The following FBXO7 variants were observed in gnomAD, a reference collection of about 807,000 sequenced individuals.
FBXO7 encodes the protein F-box only protein 7.
A neutral mutation model predicts 50.2 loss-of-function variants in FBXO7; 31 were observed. The ratio of observed to expected loss-of-function variants is 0.62; its 90% CI spans 0.46 to 0.83. The LOEUF is 0.83. FBXO7 is among the 40% of genes least tolerant of loss of function. The pLI, the probability that FBXO7 is intolerant of heterozygous loss-of-function variation, is 0.00. For synonymous variants in FBXO7, 256 were observed against 253.1 expected (o/e 1.01, Z -0.11); for missense variants, 667 against 646.6 (o/e 1.03, Z -0.34).
chr22:32,487,410 T>C (rs1271034344), intron 4 of FBXO7: 1 of 190,956 alleles, frequency 5.2e-6, no homozygotes. Flanking sequence ...TTTTAGTGAC[T>C]TCATTAGAAA....
intron 7 of FBXO7, 149 bp from the exon 8 acceptor site, chr22:32,495,344 T>C (rs1054413792): frequency 1.4e-5 from 8 of 588,350 alleles, no homozygotes; most frequent in East Asian, 5.7e-5. Context: ...ACAAATGATA[T>C]AGTGTGTGTT....
chr22:32,485,857 A>G (rs1027181948), intron 4 of FBXO7, among the ~76,000 whole-genome samples: 1 of 152,176 alleles, frequency 6.6e-6, no homozygotes, highest in African/African-American at 2.4e-5. Flanking sequence ...TTTGTTTCAT[A>G]TCAACTCCTA....
Position 32,479,223 on chromosome 22 carries a change from A to T in FBXO7, c.365A>T (p.Asp122Val). 1 of 1,614,142 alleles carries T rather than the reference A, an allele frequency of 6.2e-7. No individual in the cohort carries two copies. The highest frequency in any genetic ancestry group is 1.1e-5 in the South Asian group (1 of 91,084). Residue 122 changes from aspartate (D) to valine (V), a missense_variant, in exon 2 of 9, where the codon GAT becomes GTT. Transcript: ENST00000266087. ...QTSMQDEQPS[D>V]SFQGQAAQSG... ...AGCATGCAGGATGAACAACCAAGTG[A>T]TTCATTCCAAGGACAGGCAGCCCAG...
intron 4 of FBXO7, among the ~76,000 whole-genome samples, chr22:32,486,427 A>G (rs5749448): frequency 0.42 from 63,268 of 151,800 alleles, 13,682 homozygotes; most frequent in East Asian, 0.69. Context: ...TTGACCTCCT[A>G]GGCTCAAGCA....
intron 5 of FBXO7, 81 bp from the exon 6 acceptor site, chr22:32,491,005 T>C (rs2057531058): frequency 3.2e-6 from 3 of 926,532 alleles, no homozygotes; most frequent in Middle Eastern, 2.4e-4. Context: ...TTATTCACCA[T>C]GTTGATTGGG....
At chr22:32,493,715 C>T (rs2057553654) in intron 7 of FBXO7, among the ~76,000 whole-genome samples, 1 of 152,164 alleles carries the variant, frequency 6.6e-6, no homozygotes, top group Non-Finnish European at 1.5e-5. Flanking sequence ...ATTATTTTGG[C>T]AGTGATGATG....
chr22:32,474,895 T>C lies in FBXO7; in HGVS notation c.-108T>C, dbSNP rs1486056512. On this transcript the variant is annotated 5_prime_UTR_variant, in exon 1 of 9. Transcript: ENST00000266087. Reference sequence around the variant, plus strand: ...CGCCTCAGCTACCCCTCAGCTCCGGTAGTCGCCAGTCCGGGGTCGTCGCCG... The same window carrying C: ...CGCCTCAGCTACCCCTCAGCTCCGGCAGTCGCCAGTCCGGGGTCGTCGCCG... 1 of 1,111,864 alleles carries C rather than the reference T, an allele frequency of 9.0e-7. No homozygotes were observed. Among genetic ancestry groups the C allele is most frequent in the Non-Finnish European group, 1.2e-6 (1 of 806,674 alleles). 68.9% of individuals were successfully genotyped at this position (1,111,864 alleles called of 1,614,324 possible).
intron 2 of FBXO7, 98 bp downstream of exon 2, chr22:32,479,373 A>G (rs1438220754): frequency 9.4e-7 from 1 of 1,065,380 alleles, no homozygotes; most frequent in African/African-American, 1.6e-5. Flanking sequence ...TATCATCGAT[A>G]GATTGCACAT....
intron 6 of FBXO7, chr22:32,491,416 T>G: frequency 4.4e-6 from 2 of 457,584 alleles, no homozygotes. Flanking sequence ...ATTGTTGATA[T>G]GATTTCTTTC....
intron 5 of FBXO7, chr22:32,489,936 A>G (rs1182360827): frequency 6.6e-6 from 1 of 152,264 alleles, no homozygotes; most frequent in Non-Finnish European, 1.5e-5. Context: ...CATTCATTTA[A>G]AGAAAATCAA....
At chr22:32,478,133 A>C (rs2145987391) in intron 1 of FBXO7, 1 of 152,394 alleles carries the variant, frequency 6.6e-6, no homozygotes, top group African/African-American at 2.4e-5. Flanking sequence ...TGGAAAGCTC[A>C]TGTGAATAGA....
rs746284772 is a variant in FBXO7, at chr22:32,475,328, C to T, written c.122+204C>T. ...CGGAGGGTGCAGGCGACGGGAAGCG[C>T]GGGTGGTCGGCTGGGGTCCGGCTCC... is the stretch of plus-strand genomic sequence containing the variant. On this transcript the variant is annotated intron_variant, in intron 1 of 8. Transcript: ENST00000266087. 3.7e-6 allele frequency: 6 copies of T among 1,607,666 alleles called. No homozygotes were observed. The South Asian group carries it at 6.6e-5, about 18-fold the overall frequency.
At chr22:32,481,824 T>C (rs985028678) in intron 2 of FBXO7, among the ~76,000 whole-genome samples, 4 of 152,188 alleles carry the variant, frequency 2.6e-5, no homozygotes, top group Admixed American at 2.0e-4. Context: ...TCACTTGTTT[T>C]AGTCTTTTGT....
At chr22:32,483,737 C>A (rs756971831) in intron 2 of FBXO7, among the ~76,000 whole-genome samples, 160 bp from the exon 3 acceptor site, 2 of 152,098 alleles carry the variant, frequency 1.3e-5, no homozygotes, top group Non-Finnish European at 2.9e-5. Context: ...AAGAGTAGGT[C>A]GCAGGCTTAT....
At chr22:32,477,718 T>C (rs2057437824) in intron 1 of FBXO7, among the ~76,000 whole-genome samples, 1 of 152,206 alleles carries the variant, frequency 6.6e-6, no homozygotes, top group South Asian at 2.1e-4. Context: ...TCGGAACCAT[T>C]ATAAGTAAAC....
chr22:32,492,697 G>C, intron 6 of FBXO7: 1 of 244,784 alleles, frequency 4.1e-6, no homozygotes, highest in Non-Finnish European at 8.1e-6. Flanking sequence ...TTGTCCAAAG[G>C]CACACAGTTA....
At chr22:32,482,132 C>G (rs1316708969) in intron 2 of FBXO7, among the ~76,000 whole-genome samples, 1 of 152,106 alleles carries the variant, frequency 6.6e-6, no homozygotes, top group Non-Finnish European at 1.5e-5. Flanking sequence ...GAAGCAAAAC[C>G]TATGTTTCAT....
chr22:32,487,163 TC>T (rs1281382059), intron 4 of FBXO7: 2 of 152,446 alleles, frequency 1.3e-5, no homozygotes, highest in African/African-American at 4.8e-5. Context: ...TTTAAATCTT[TC>T]CTTCACCCAA....
intron 1 of FBXO7, among the ~76,000 whole-genome samples, chr22:32,477,821 G>A (rs1437592467): frequency 2.0e-5 from 3 of 152,160 alleles, no homozygotes; most frequent in East Asian, 3.8e-4. Context: ...TATTTCACAA[G>A]TACTTTATTT....
Sources: allele counts gnomAD v4.1 joint callset (sites outside exome capture counted in the v4.1 genomes callset), GRCh38; gene constraint gnomAD v4.1.1; transcripts MANE v1.5; gene names NCBI Gene and HGNC (gene_info 2026-07-23, HGNC 2026-07-21).